The following NRG1 variants were observed in gnomAD, a reference collection of about 807,000 sequenced individuals.
NRG1 encodes the protein pro-neuregulin-1, membrane-bound isoform.
Under a neutral mutation model 63.8 loss-of-function variants are expected in NRG1, and 18 were observed. The observed-to-expected ratio is 0.28, with a 90% CI of 0.19 to 0.42. The LOEUF (loss-of-function observed/expected upper bound fraction) is 0.42. NRG1 is among the 10% of genes least tolerant of loss of function. NRG1 has a pLI of 1.00. For missense variants in NRG1, 762 were observed against 814.7 expected, an observed-to-expected ratio of 0.94 and a Z score of 0.79; for synonymous variants, 302 against 301.3, an observed-to-expected ratio of 1.00 and a Z score of -0.02.
chr8:32,304,993 C>T (rs902342583), intron 1 of NRG1, among the ~76,000 whole-genome samples: 8 of 151,552 alleles, frequency 5.3e-5, no homozygotes, highest in Admixed American at 2.0e-4. Context: ...CCAGCCTGGG[C>T]GACAGAGAGA....
intron 1 of NRG1, among the ~76,000 whole-genome samples, chr8:32,304,586 T>C: frequency 7.3e-6 from 1 of 137,618 alleles, no homozygotes; most frequent in South Asian, 2.6e-4. Context: ...ATGAAAAGTA[T>C]TCTTAGTAAA....
At chr8:32,097,491 G>T (rs947382253) in intron 1 of NRG1, among the ~76,000 whole-genome samples, 2 of 152,098 alleles carry the variant, frequency 1.3e-5, no homozygotes, top group African/African-American at 4.8e-5. Flanking sequence ...CGGCATCTTT[G>T]TCAGCATTTG....
chr8:32,294,989 G>T (rs952300437), intron 1 of NRG1, among the ~76,000 whole-genome samples: 4 of 152,116 alleles, frequency 2.6e-5, no homozygotes, highest in African/African-American at 9.7e-5. Flanking sequence ...AATTCTGAGA[G>T]AAATGGATTA....
At chr8:31,828,481 T>G (rs1824791077) in intron 1 of NRG1, among the ~76,000 whole-genome samples, 1 of 152,168 alleles carries the variant, frequency 6.6e-6, no homozygotes, top group Non-Finnish European at 1.5e-5. Flanking sequence ...GATCTTCCTT[T>G]CATGCTCGAC....
At chr8:31,814,026 T>G (rs1192751778) in intron 1 of NRG1, among the ~76,000 whole-genome samples, 1 of 152,138 alleles carries the variant, frequency 6.6e-6, no homozygotes, top group African/African-American at 2.4e-5. Context: ...GAAACACTAT[T>G]CAAAAGCAGT....
intron 1 of NRG1, among the ~76,000 whole-genome samples, chr8:32,281,184 C>CTTTTTTTTTTTGTTTTTT (rs534126563): frequency 1.1e-5 from 1 of 94,326 alleles, no homozygotes; most frequent in Admixed American, 1.3e-4. Context: ...GTAGTTTTTC[C>CTTTTTTTTTTTGTTTTTT]TTTTTTTTTT....
At chr8:32,375,686 G>A (rs929331149) in intron 1 of NRG1, among the ~76,000 whole-genome samples, 1 of 152,210 alleles carries the variant, frequency 6.6e-6, no homozygotes, top group Non-Finnish European at 1.5e-5. Flanking sequence ...TTCTCAAGAA[G>A]TCCTGCAACT....
At chr8:31,946,588 T>C (rs1460511747) in intron 1 of NRG1, among the ~76,000 whole-genome samples, 2 of 126,130 alleles carry the variant, frequency 1.6e-5, no homozygotes, top group Non-Finnish European at 3.4e-5. Flanking sequence ...CACTTGGCAC[T>C]GTGATAAGAT....
Position 32,066,426 on chromosome 8 carries a change from C to T in NRG1, c.37+426995C>T, listed in dbSNP as rs183921271. On this transcript the variant is annotated intron_variant, in intron 1 of 10. Transcript: ENST00000519301. ...ATATGGCTAGCCAGTTTTCCCAGCA[C>T]CATTTATTAAATAGGGAATCCTTTC... is the stretch of plus-strand genomic sequence containing the variant. Among the ~76,000 whole-genome samples, 368 of 152,276 alleles carry T rather than the reference C, an allele frequency of 2.4e-3. 1 individual carries two copies. Among genetic ancestry groups the T allele is most frequent in the African/African-American group, 8.6e-3 (359 of 41,550 alleles).
At chr8:31,994,653 C>CAAAAAAAAAA (rs59019886) in intron 1 of NRG1, among the ~76,000 whole-genome samples, 8 of 62,332 alleles carry the variant, frequency 1.3e-4, no homozygotes, top group African/African-American at 3.7e-4. Context: ...TACTCTGTCT[C>CAAAAAAAAAA]AAAAAAAAAA....
intron 1 of NRG1, among the ~76,000 whole-genome samples, chr8:32,406,449 G>A (rs1813996592): frequency 1.3e-5 from 2 of 151,990 alleles, no homozygotes; most frequent in South Asian, 2.1e-4. Flanking sequence ...ACATAGTAAG[G>A]GCTTAGTAAA....
chr8:32,568,956 G>A (rs570843205), intron 1 of NRG1, among the ~76,000 whole-genome samples: 18 of 51,554 alleles, frequency 3.5e-4, no homozygotes, highest in African/African-American at 8.8e-4. Context: ...GAAAATCCTT[G>A]AAATGGAAAA....
chr8:32,547,114 A>C (rs1306985998), upstream of NRG1, among the ~76,000 whole-genome samples: 1 of 152,198 alleles, frequency 6.6e-6, no homozygotes, highest in Non-Finnish European at 1.5e-5. Flanking sequence ...TAAGTTAACC[A>C]CAGCTGTGGT....
At chr8:31,878,872 A>C (rs1310443071) in intron 1 of NRG1, among the ~76,000 whole-genome samples, 1 of 152,188 alleles carries the variant, frequency 6.6e-6, no homozygotes, top group African/African-American at 2.4e-5. Flanking sequence ...AGAAAGTCTG[A>C]AATCAAGACA....
At chr8:31,918,002 C>G (rs1431082004) in intron 1 of NRG1, among the ~76,000 whole-genome samples, 1 of 151,372 alleles carries the variant, frequency 6.6e-6, no homozygotes, top group African/African-American at 2.4e-5. Flanking sequence ...ATTTGGCTCT[C>G]TGTCTGTTAT....
intron 1 of NRG1, among the ~76,000 whole-genome samples, chr8:31,973,644 A>G (rs1430751196): frequency 6.6e-6 from 1 of 152,226 alleles, no homozygotes; most frequent in African/African-American, 2.4e-5. Flanking sequence ...AGAGTCCCAT[A>G]AATTAGCATA....
At chr8:31,967,862 G>C (rs138731038) in intron 1 of NRG1, among the ~76,000 whole-genome samples, 1 of 152,188 alleles carries the variant, frequency 6.6e-6, no homozygotes, top group Non-Finnish European at 1.5e-5. Flanking sequence ...CTAAAGTACC[G>C]TCTTGGAGAC....
chr8:32,544,502 T>C (rs1203307743), upstream of NRG1, among the ~76,000 whole-genome samples: 1 of 149,188 alleles, frequency 6.7e-6, no homozygotes, highest in African/African-American at 2.5e-5. Flanking sequence ...TTTATTTATT[T>C]ATTTATTTAT....
chr8:32,364,483 T>G (rs1807677001), intron 1 of NRG1, among the ~76,000 whole-genome samples: 1 of 152,178 alleles, frequency 6.6e-6, no homozygotes, highest in African/African-American at 2.4e-5. Context: ...TGGTTCAAAT[T>G]ACACATATAT....
Sources: gnomAD v4.1 joint callset for allele counts (sites outside exome capture counted in the v4.1 genomes callset) on GRCh38, gnomAD v4.1.1 for gene constraint, MANE v1.5 for transcripts, NCBI Gene and HGNC (gene_info 2026-07-23, HGNC 2026-07-21) for gene names.